The following DNAJC27 variants were observed in gnomAD, a reference collection of about 807,000 sequenced individuals.
DNAJC27 encodes dnaJ homolog subfamily C member 27.
A neutral mutation model predicts 31.4 loss-of-function variants in DNAJC27; 25 were observed. The observed-to-expected ratio is 0.80, with a 90% CI of 0.58 to 1.11. The LOEUF is 1.11. DNAJC27 is among the 50% of genes most tolerant of loss of function. The pLI is 0.00. For missense variants in DNAJC27, 356 were observed against 347.3 expected (o/e 1.02, Z -0.20); for synonymous variants, 106 against 112.7 (o/e 0.94, Z 0.37).
At chr2:24,969,266 C>G (rs1478924555) in intron 1 of DNAJC27, 1 of 171,990 alleles carries the variant, frequency 5.8e-6, no homozygotes, top group Non-Finnish European at 1.3e-5. Flanking sequence ...CTTCCAATAC[C>G]AAACACAAAC....
At chr2:24,961,243 A>G (rs1242439566) in intron 3 of DNAJC27, among the ~76,000 whole-genome samples, 2 of 152,212 alleles carry the variant, frequency 1.3e-5, no homozygotes, top group Admixed American at 6.5e-5. Flanking sequence ...GATCTGTTTA[A>G]GCATAGTTTA....
At chr2:24,964,143 G>A (rs1033689947) in intron 2 of DNAJC27, among the ~76,000 whole-genome samples, 1 of 151,866 alleles carries the variant, frequency 6.6e-6, no homozygotes, top group Non-Finnish European at 1.5e-5. Context: ...ACACTAGGCC[G>A]GACACGGTGG....
intron 1 of DNAJC27, among the ~76,000 whole-genome samples, chr2:24,969,996 C>T (rs1015194011): frequency 2.0e-5 from 3 of 152,094 alleles, no homozygotes; most frequent in African/African-American, 4.8e-5. Context: ...TGTAATCCCA[C>T]GTAAGGAAAA....
chr2:24,954,708 C>T (rs561009191), intron 5 of DNAJC27, among the ~76,000 whole-genome samples: 2 of 152,256 alleles, frequency 1.3e-5, no homozygotes, highest in South Asian at 2.1e-4. Flanking sequence ...GAGGCCGAGG[C>T]GGGCGGATCA....
Position 24,943,647 on chromosome 2 carries a change from T to G in DNAJC27, c.*3969A>C, listed in dbSNP as rs1452876645. On this transcript the variant is annotated 3_prime_UTR_variant, in exon 7 of 7. Coordinates refer to ENST00000264711, the MANE Select transcript of DNAJC27 (RefSeq NM_016544.3). ...ATGCAGCCCACAGACCGGTGTTTGATACTTGGCTTTACTTTATAAAAATAC... is the reference window on the plus strand; with the variant it reads ...ATGCAGCCCACAGACCGGTGTTTGAGACTTGGCTTTACTTTATAAAAATAC... The G allele has an allele frequency of 6.6e-6, 1 of 152,634 alleles. No individual in the cohort carries two copies. Among genetic ancestry groups the G allele is most frequent in the Non-Finnish European group, 1.5e-5 (1 of 68,032 alleles). 9.5% of individuals were successfully genotyped at this position (152,634 alleles called of 1,614,324 possible).
At position 24,944,642 on chromosome 2, in the gene DNAJC27, C is replaced by T. The variant is rs1665605087; in HGVS notation, c.*2974G>A. 1 of 152,542 alleles carries T rather than the reference C, an allele frequency of 6.6e-6. No homozygotes were observed. Among genetic ancestry groups the T allele is most frequent in the Admixed American group, 6.5e-5 (1 of 15,268 alleles). The allele number at this position is 152,542 out of a possible 1,614,324, so 9.4% of individuals were successfully genotyped here. ...GGTAGCAACACAATGACCCCCAAGTCTGGATTTTTAAATTAACAGGCTAAG... is the reference window on the plus strand; with the variant it reads ...GGTAGCAACACAATGACCCCCAAGTTTGGATTTTTAAATTAACAGGCTAAG... On this transcript the variant is annotated 3_prime_UTR_variant, in exon 7 of 7. Coordinates refer to ENST00000264711, the MANE Select transcript of DNAJC27 (RefSeq NM_016544.3).
intron 3 of DNAJC27, among the ~76,000 whole-genome samples, chr2:24,959,713 C>A (rs1432714511): frequency 6.6e-6 from 1 of 152,186 alleles, no homozygotes; most frequent in Admixed American, 6.6e-5. Context: ...ATTGTTCAAG[C>A]CCTGGCTATA....
At chr2:24,961,443 T>C (rs894523170) in intron 3 of DNAJC27, among the ~76,000 whole-genome samples, 2 of 152,156 alleles carry the variant, frequency 1.3e-5, no homozygotes, top group Non-Finnish European at 2.9e-5. Flanking sequence ...CAAGGAATAA[T>C]TTTGACTTTG....
Position 24,945,484 on chromosome 2 carries a change from AGAGG to A in DNAJC27, c.*2128_*2131del. The A allele has an allele frequency of 6.6e-6, 1 of 152,346 alleles. No homozygotes were observed. The highest frequency in any genetic ancestry group is 6.5e-5 in the Admixed American group (1 of 15,308). The allele number at this position is 152,346 out of a possible 1,614,324, so 9.4% of individuals were successfully genotyped here. ...GATGAAAACTGGCACCAGCTTTCAT[AGAGG>A]GCCACACATTCAGAGTTGTCGTGTC... On this transcript the variant is annotated 3_prime_UTR_variant, in exon 7 of 7. Transcript: ENST00000264711.
At chr2:24,958,947 G>A (rs1275954624) in intron 3 of DNAJC27, among the ~76,000 whole-genome samples, 1 of 152,212 alleles carries the variant, frequency 6.6e-6, no homozygotes, top group Non-Finnish European at 1.5e-5. Context: ...TATGTAGTAA[G>A]AAATGAAAAC....
chr2:24,951,430 C>T lies in DNAJC27; in HGVS notation c.653G>A (p.Ser218Asn). The T allele has an allele frequency of 6.2e-7, 1 of 1,613,444 alleles. No individual in the cohort carries two copies. The highest frequency in any genetic ancestry group is 8.5e-7 in the Non-Finnish European group (1 of 1,179,700). The part of the protein sequence containing the change: ...AIRRIRNSKD[S>N]WDMLGVKPGA... ...AGGTTTGACTCCCAGCATGTCCCAA[C>T]TGTCTTTACTATTTCGAATTCTGCG... Residue 218 changes from serine (S) to asparagine (N), a missense_variant, in exon 6 of 7, where the codon AGT (serine) becomes AAT (asparagine). By Grantham distance (46) the Ser-to-Asn change is conservative. Coordinates refer to ENST00000264711, the MANE Select transcript of DNAJC27 (RefSeq NM_016544.3).
At chr2:24,967,472 G>A (rs977865360) in intron 1 of DNAJC27, among the ~76,000 whole-genome samples, 179 bp from the exon 2 acceptor site, 11 of 152,140 alleles carry the variant, frequency 7.2e-5, no homozygotes, top group Non-Finnish European at 1.6e-4. Context: ...AGGCCAAGGC[G>A]GGTGGATCAC....
At chr2:24,947,984 C>T (rs954658942) in intron 6 of DNAJC27, among the ~76,000 whole-genome samples, 2 of 152,060 alleles carry the variant, frequency 1.3e-5, no homozygotes, top group African/African-American at 2.4e-5. Flanking sequence ...TAAATGCTAA[C>T]AAAACACTTA....
chr2:24,947,773 G>C (rs1302924978), intron 6 of DNAJC27, 25 bp from the exon 7 acceptor site: 13 of 1,604,470 alleles, frequency 8.1e-6, no homozygotes, highest in Non-Finnish European at 1.1e-5. Flanking sequence ...CAAGATCTAT[G>C]TTAGTAACAG....
chr2:24,957,762 T>C (rs775205957), intron 4 of DNAJC27, 48 bp downstream of exon 4: 5 of 1,541,072 alleles, frequency 3.2e-6, no homozygotes, highest in African/African-American at 1.4e-5. Context: ...CACTCAAAGC[T>C]CCACTCTTTC....
At chr2:24,952,639 A>C (rs1194772938) in intron 5 of DNAJC27, among the ~76,000 whole-genome samples, 3 of 152,168 alleles carry the variant, frequency 2.0e-5, no homozygotes, top group Non-Finnish European at 4.4e-5. Context: ...GTTGAGAAAG[A>C]GTATATGCGC....
intron 5 of DNAJC27, among the ~76,000 whole-genome samples, chr2:24,956,443 T>A (rs1665906155): frequency 6.6e-6 from 1 of 152,216 alleles, no homozygotes; most frequent in Admixed American, 6.5e-5. Context: ...CTCTATTTCC[T>A]GCTTGATTGG....
Position 24,951,487 on chromosome 2 carries a change from G to A in DNAJC27, c.596C>T (p.Ala199Val). 6.2e-7 allele frequency: 1 copy of A among 1,613,750 alleles called. No homozygotes were observed. The highest frequency in any genetic ancestry group is 8.5e-7 in the Non-Finnish European group (1 of 1,179,822). Residue 199 changes from alanine to valine, a missense_variant, in exon 6 of 7, where the codon GCT becomes GTT. Coordinates refer to ENST00000264711, the MANE Select transcript of DNAJC27 (RefSeq NM_016544.3). ...GGKRPTTNSS[A>V]SFTKEQADAI... ...ATCTGCTTGTTCTTTGGTGAAACTA[G>A]CACTGCTATTGGTGGTAGGGCGTTT...
chr2:24,951,644 T>G (rs994610035), intron 5 of DNAJC27, 90 bp from the exon 6 acceptor site: 4 of 1,140,966 alleles, frequency 3.5e-6, no homozygotes, highest in Non-Finnish European at 4.9e-6. Context: ...TTTTAATATA[T>G]TCCAGCAACT....
Sources: allele counts gnomAD v4.1 joint callset (sites outside exome capture counted in the v4.1 genomes callset), GRCh38; gene constraint gnomAD v4.1.1; transcripts MANE v1.5; gene names NCBI Gene and HGNC (gene_info 2026-07-23, HGNC 2026-07-21).